Variants in SUGCT observed in about 807,000 individuals in gnomAD.
SUGCT encodes the protein succinyl-CoA:glutarate CoA-transferase.
SUGCT carries 41 observed loss-of-function variants against 55.0 expected under a neutral mutation model. The ratio of observed to expected loss-of-function variants is 0.74; its 90% CI spans 0.58 to 0.97. The LOEUF (loss-of-function observed/expected upper bound fraction) is 0.97, where lower values mean the gene tolerates loss of function less well. SUGCT is among the 50% of genes least tolerant of loss of function. The pLI is 0.00. For synonymous variants in SUGCT, 187 were observed against 200.4 expected (o/e 0.93, Z 0.56); for missense variants, 568 against 547.8 (o/e 1.04, Z -0.37).
intron 12 of SUGCT, among the ~76,000 whole-genome samples, chr7:40,517,768 T>G (rs1332396048): frequency 6.6e-6 from 1 of 152,142 alleles, no homozygotes; most frequent in Non-Finnish European, 1.5e-5. Flanking sequence ...TCACCACTTA[T>G]GGTTGATTTG....
chr7:40,506,607 A>AT (rs1341318475), intron 12 of SUGCT, among the ~76,000 whole-genome samples: 2 of 151,852 alleles, frequency 1.3e-5, no homozygotes, highest in African/African-American at 4.8e-5. Flanking sequence ...GTTTTCAGCC[A>AT]TTTTTTTCTT....
At chr7:40,579,589 C>A (rs1283589286) in intron 12 of SUGCT, among the ~76,000 whole-genome samples, 2 of 152,132 alleles carry the variant, frequency 1.3e-5, no homozygotes, top group African/African-American at 4.8e-5. Context: ...GTAAACAAGT[C>A]ACATCTATTT....
At chr7:40,884,738 GTTATTCTAAAGA>G in the SUGCT span, among the ~76,000 whole-genome samples, 1 of 152,180 alleles carries the variant, frequency 6.6e-6, no homozygotes, top group Non-Finnish European at 1.5e-5. Context: ...AGAGAGACTG[GTTATTCTAAAGA>G]GTGCAATGGA....
chr7:40,785,545 CA>C (rs1789968641), intron 13 of SUGCT, among the ~76,000 whole-genome samples: 1 of 152,170 alleles, frequency 6.6e-6, no homozygotes. Flanking sequence ...CATCTATAAG[CA>C]CTTTTTTTCT....
At position 40,407,193 on chromosome 7, in the gene SUGCT, A is replaced by G. The variant is rs191121246; in HGVS notation, c.817-42094A>G. Among the ~76,000 whole-genome samples, 129 of 152,288 alleles carry G rather than the reference A, an allele frequency of 8.5e-4. 2 individuals are homozygous for G. The Middle Eastern group carries it at 0.01, about 12-fold the overall frequency. ...TTGCAATTCACCTTATTGTCATCAGATAAATTTTGCCGTTCACGTATCTTT... is the reference window on the plus strand; with the variant it reads ...TTGCAATTCACCTTATTGTCATCAGGTAAATTTTGCCGTTCACGTATCTTT... On this transcript the variant is annotated intron_variant, in intron 9 of 13. Transcript: ENST00000335693.
At chr7:40,703,158 G>A (rs911238774) in intron 12 of SUGCT, among the ~76,000 whole-genome samples, 4 of 150,642 alleles carry the variant, frequency 2.7e-5, no homozygotes, top group Non-Finnish European at 4.4e-5. Context: ...TCCGCCTCTC[G>A]GGTTCAAGTG....
intron 12 of SUGCT, among the ~76,000 whole-genome samples, chr7:40,670,169 CAAAAA>C (rs34786531): frequency 3.4e-5 from 2 of 58,240 alleles, no homozygotes; most frequent in Non-Finnish European, 6.9e-5. Flanking sequence ...GACTCCATCT[CAAAAA>C]AAAAAAAAAA....
intron 8 of SUGCT, among the ~76,000 whole-genome samples, chr7:40,316,091 C>G (rs1289259496): frequency 6.6e-6 from 1 of 151,998 alleles, no homozygotes; most frequent in Non-Finnish European, 1.5e-5. Flanking sequence ...AAAATTGAAT[C>G]GAGTATGACA....
At chr7:40,451,780 A>G (rs1199882271) in intron 10 of SUGCT, among the ~76,000 whole-genome samples, 2 of 152,196 alleles carry the variant, frequency 1.3e-5, no homozygotes, top group South Asian at 4.1e-4. Context: ...CTGTTCCTCC[A>G]TTCTGATGCA....
the SUGCT span, among the ~76,000 whole-genome samples, chr7:40,888,059 G>A: frequency 6.6e-6 from 1 of 152,232 alleles, no homozygotes; most frequent in African/African-American, 2.4e-5. Flanking sequence ...TGACTCCAAA[G>A]CCAATGCATT....
chr7:40,920,052 T>C, the SUGCT span, among the ~76,000 whole-genome samples: 1 of 152,162 alleles, frequency 6.6e-6, no homozygotes, highest in Admixed American at 6.5e-5. Flanking sequence ...GAGCACCTTC[T>C]CGGAGGTATC....
chr7:40,467,966 CTT>C (rs79872831), intron 11 of SUGCT, among the ~76,000 whole-genome samples: 125 of 124,236 alleles, frequency 1.0e-3, no homozygotes, highest in Admixed American at 1.2e-3. Flanking sequence ...TACTCATTTT[CTT>C]TTTTTTTTTT....
intron 7 of SUGCT, among the ~76,000 whole-genome samples, chr7:40,261,338 G>A (rs1025637896): frequency 1.3e-5 from 2 of 152,108 alleles, no homozygotes; most frequent in Non-Finnish European, 2.9e-5. Flanking sequence ...AAATAGGTCC[G>A]GGTCACACAG....
At chr7:40,728,339 C>T (rs1211511) in intron 12 of SUGCT, among the ~76,000 whole-genome samples, 17 of 151,924 alleles carry the variant, frequency 1.1e-4, no homozygotes, top group South Asian at 6.3e-4. Flanking sequence ...GCCAACATGG[C>T]GAAACACTGT....
chr7:40,584,112 C>A (rs970669378), intron 12 of SUGCT, among the ~76,000 whole-genome samples: 1 of 152,114 alleles, frequency 6.6e-6, no homozygotes, highest in African/African-American at 2.4e-5. Flanking sequence ...GTTTTTTGAG[C>A]ACTTGTTTTA....
chr7:40,481,572 C>A (rs531284216), intron 11 of SUGCT, among the ~76,000 whole-genome samples: 2 of 151,316 alleles, frequency 1.3e-5, no homozygotes, highest in East Asian at 3.9e-4. Context: ...GTCTAACGTA[C>A]TTAATATAAA....
intron 1 of SUGCT, among the ~76,000 whole-genome samples, chr7:40,160,716 T>G (rs1784103120): frequency 6.6e-6 from 1 of 152,128 alleles, no homozygotes; most frequent in African/African-American, 2.4e-5. Flanking sequence ...CAAGAATAAT[T>G]TATAAGAGAA....
At chr7:40,223,138 G>C (rs559195915) in intron 6 of SUGCT, among the ~76,000 whole-genome samples, 1 of 151,706 alleles carries the variant, frequency 6.6e-6, no homozygotes, top group East Asian at 1.9e-4. Context: ...TCGGCTCACC[G>C]CAACCTCCGC....
At chr7:40,932,691 T>G in the SUGCT span, among the ~76,000 whole-genome samples, 1 of 152,096 alleles carries the variant, frequency 6.6e-6, no homozygotes, top group African/African-American at 2.4e-5. Flanking sequence ...GCCTTCTTTG[T>G]CTCTTTTGAT....
Sources: allele counts gnomAD v4.1 joint callset (sites outside exome capture counted in the v4.1 genomes callset), GRCh38; gene constraint gnomAD v4.1.1; transcripts MANE v1.5; gene names NCBI Gene and HGNC (gene_info 2026-07-23, HGNC 2026-07-21).